ATXN1: variants seen among roughly 807,000 people sequenced by gnomAD.
ATXN1 encodes ataxin-1.
Under a neutral mutation model 56.4 loss-of-function variants are expected in ATXN1, and 8 were observed. The observed-to-expected ratio is 0.14, with a 90% CI of 0.08 to 0.26. ATXN1 has a LOEUF of 0.26. ATXN1 is among the 10% of genes least tolerant of loss of function. The probability of loss-of-function intolerance (pLI) is 1.00; values close to 1 mark genes in which losing one functional copy is unlikely to be tolerated. For missense variants in ATXN1, 987 were observed against 1,106.5 expected, an observed-to-expected ratio of 0.89 and a Z score of 1.53; for synonymous variants, 514 against 494.6, an observed-to-expected ratio of 1.04 and a Z score of -0.52.
chr6:16,599,358 C>T (rs969243713), intron 3 of ATXN1, among the ~76,000 whole-genome samples: 1 of 152,148 alleles, frequency 6.6e-6, no homozygotes, highest in Middle Eastern at 3.4e-3. Context: ...ATTTGAAAGG[C>T]CGCTACTAAG....
chr6:16,370,318 A>G (rs1762012606), intron 6 of ATXN1, among the ~76,000 whole-genome samples: 2 of 152,200 alleles, frequency 1.3e-5, no homozygotes, highest in Non-Finnish European at 1.5e-5. Context: ...ATTTGGGTCT[A>G]TCTTTTCTTT....
intron 4 of ATXN1, among the ~76,000 whole-genome samples, chr6:16,585,573 T>C (rs543897758): frequency 2.1e-3 from 322 of 152,224 alleles, no homozygotes; most frequent in Admixed American, 4.5e-3. Flanking sequence ...TCAAAATAAG[T>C]AGAAGTTATT....
At chr6:16,443,984 C>CA (rs1561898295) in intron 6 of ATXN1, among the ~76,000 whole-genome samples, 2 of 151,926 alleles carry the variant, frequency 1.3e-5, no homozygotes, top group African/African-American at 2.4e-5. Flanking sequence ...GGCGTGGTGG[C>CA]GGGCGCCTGT....
Position 16,410,191 on chromosome 6 carries a change from C to T in ATXN1, c.-161+75781G>A, listed in dbSNP as rs1046566988. ...ACGCCGTGTGAATCACAGCATCTAG[C>T]GGCCCTCCTTCCCCCTTACTATGAC... On this transcript the variant is annotated intron_variant, in intron 6 of 7. Coordinates refer to ENST00000436367, the MANE Select transcript of ATXN1 (RefSeq NM_001128164.2). This position sits in a 1 kb window ranked among gnomAD's most constrained non-coding sequence, Gnocchi z 4.6. Among the ~76,000 whole-genome samples the T allele has an allele frequency of 6.6e-6, 1 of 152,198 alleles. No individual in the cohort carries two copies. Among genetic ancestry groups the T allele is most frequent in the Non-Finnish European group, 1.5e-5 (1 of 68,024 alleles).
intron 4 of ATXN1, among the ~76,000 whole-genome samples, chr6:16,571,432 T>C (rs1267684731): frequency 2.6e-5 from 4 of 152,150 alleles, no homozygotes; most frequent in Non-Finnish European, 5.9e-5. Context: ...CTTCATGGAG[T>C]ATTCTGCCAT....
chr6:16,514,242 A>C (rs1249861176), intron 5 of ATXN1, among the ~76,000 whole-genome samples: 1 of 152,166 alleles, frequency 6.6e-6, no homozygotes, highest in East Asian at 1.9e-4. Flanking sequence ...GTTGGATCAC[A>C]AAGAGCAAGA....
In ATXN1 at chr6:16,573,630, G is replaced by A. The variant is rs116212230; in HGVS notation, c.-361+12150C>T. 7.0e-3 allele frequency among the ~76,000 whole-genome samples: 1,066 copies of A among 152,112 alleles called. 3 individuals carry two copies. The highest frequency in any genetic ancestry group is 0.013 in the South Asian group (62 of 4,806). ...TCCTGCATTAACTTCACATTCCTCC[G>A]CCAGGTCTTAGTGATCCTTTAGCTC... On this transcript the variant is annotated intron_variant, in intron 4 of 7. Transcript: ENST00000436367.
At chr6:16,667,717 T>A (rs72825588) in intron 2 of ATXN1, among the ~76,000 whole-genome samples, 1 of 152,182 alleles carries the variant, frequency 6.6e-6, no homozygotes, top group Non-Finnish European at 1.5e-5. Context: ...GTGTTATCCT[T>A]TTGAAGTGCT....
chr6:16,747,377 G>A (rs1288258441), intron 2 of ATXN1, among the ~76,000 whole-genome samples: 2 of 152,104 alleles, frequency 1.3e-5, no homozygotes, highest in African/African-American at 2.4e-5. Context: ...CAAGCCCATC[G>A]CTGTTAAGTA....
At chr6:16,418,808 C>T (rs982429448) in intron 6 of ATXN1, among the ~76,000 whole-genome samples, 5 of 146,866 alleles carry the variant, frequency 3.4e-5, no homozygotes, top group African/African-American at 7.6e-5. Flanking sequence ...ATACTCCTAA[C>T]GCTAATAATT....
intron 6 of ATXN1, among the ~76,000 whole-genome samples, chr6:16,392,598 C>T (rs138846942): frequency 1.1e-3 from 173 of 152,010 alleles, no homozygotes; most frequent in Non-Finnish European, 2.0e-3. Context: ...TAGGTTCAAG[C>T]GATTCTCCTG....
At chr6:16,554,106 T>C (rs1761969125) in intron 4 of ATXN1, among the ~76,000 whole-genome samples, 1 of 152,198 alleles carries the variant, frequency 6.6e-6, no homozygotes, top group Non-Finnish European at 1.5e-5. Context: ...TAGATTAGGA[T>C]ATGTCTATGC....
At chr6:16,663,650 A>T (rs1183780479) in intron 2 of ATXN1, among the ~76,000 whole-genome samples, 2 of 16,342 alleles carry the variant, frequency 1.2e-4, no homozygotes, top group Admixed American at 6.9e-4. Flanking sequence ...TTAATTTTTT[A>T]TTTATTTATT....
intron 6 of ATXN1, among the ~76,000 whole-genome samples, chr6:16,380,554 A>G (rs1310810457): frequency 6.6e-6 from 1 of 151,862 alleles, no homozygotes; most frequent in East Asian, 1.9e-4. Flanking sequence ...CGTGGCATTC[A>G]GGGTGGGTGA....
At chr6:16,348,330 G>T (rs532218600) in intron 6 of ATXN1, among the ~76,000 whole-genome samples, 2 of 152,228 alleles carry the variant, frequency 1.3e-5, no homozygotes, top group South Asian at 4.1e-4. Flanking sequence ...TTTCCATAGT[G>T]TTAGAATTAC....
chr6:16,515,105 T>C (rs1016765788), intron 5 of ATXN1, among the ~76,000 whole-genome samples: 2 of 152,122 alleles, frequency 1.3e-5, no homozygotes, highest in Non-Finnish European at 2.9e-5. Context: ...TCATTGTTTC[T>C]AATACCCAGT....
intron 2 of ATXN1, among the ~76,000 whole-genome samples, chr6:16,679,591 A>T (rs1758771140): frequency 6.6e-6 from 1 of 152,192 alleles, no homozygotes; most frequent in Non-Finnish European, 1.5e-5. Flanking sequence ...AAGACACTCC[A>T]CACAGGATTT....
At position 16,327,633 on chromosome 6, in the gene ATXN1, GTGC is replaced by G. The variant is rs751421308; in HGVS notation, c.675_677del (p.Gln225del). 14,798 of 1,409,060 alleles carry G rather than the reference GTGC, an allele frequency of 0.011. 181 individuals are homozygous for G. The highest frequency in any genetic ancestry group is 0.053 in the East Asian group (2,114 of 40,256). The allele number at this position is 1,409,060 out of a possible 1,614,324, so 87.3% of individuals were successfully genotyped here. On this transcript the variant is annotated inframe_deletion, in exon 7 of 8. Coordinates refer to ENST00000436367, the MANE Select transcript of ATXN1 (RefSeq NM_001128164.2). ...TGATGAGCCCCGGAGCCCTGCTGAG[GTGC>G]TGCTGCTGCTGCTGCTGCTGCTGCT...
chr6:16,597,236 G>A (rs146580305), intron 3 of ATXN1, among the ~76,000 whole-genome samples: 87 of 152,316 alleles, frequency 5.7e-4, no homozygotes, highest in African/African-American at 2.0e-3. Flanking sequence ...AGGGAACCTC[G>A]TCAGCCGCAA....
Sources: gnomAD v4.1 joint callset for allele counts (sites outside exome capture counted in the v4.1 genomes callset) on GRCh38, gnomAD v4.1.1 for gene constraint, Gnocchi (gnomAD v3.1) non-coding constraint, MANE v1.5 for transcripts, NCBI Gene and HGNC (gene_info 2026-07-23, HGNC 2026-07-21) for gene names.